The following AHCTF1 variants were observed in gnomAD, a reference collection of about 807,000 sequenced individuals.
The protein encoded by AHCTF1 is AT-hook containing transcription factor 1.
Under a neutral mutation model 248.4 loss-of-function variants are expected in AHCTF1, and 24 were observed. The ratio of observed to expected loss-of-function variants is 0.10; its 90% CI spans 0.07 to 0.14. AHCTF1 has a LOEUF of 0.14. Ranked by LOEUF, AHCTF1 falls within the 10% of genes least tolerant of loss-of-function variation. The probability of loss-of-function intolerance (pLI) is 1.00; values close to 1 mark genes in which losing one functional copy is unlikely to be tolerated. For missense variants in AHCTF1, 2,206 were observed against 2,636.2 expected (o/e 0.84, Z 3.57); for synonymous variants, 786 against 929.8 (o/e 0.85, Z 2.81).
intron 27 of AHCTF1, 133 bp downstream of exon 27, chr1:246,863,791 A>T: frequency 1.1e-6 from 1 of 871,438 alleles, no homozygotes; most frequent in Non-Finnish European, 1.8e-6. Context: ...ATGTGAAAAC[A>T]TAAAAGGATG....
In AHCTF1 at chr1:246,911,673, G is replaced by A. The variant is rs561672513; in HGVS notation, c.556+1559C>T. Among the ~76,000 whole-genome samples, 22 of 151,720 alleles carry A rather than the reference G, an allele frequency of 1.5e-4. No homozygotes were observed. In the South Asian group the frequency reaches 2.9e-3, roughly 20 times the overall value. On this transcript the variant is annotated intron_variant, in intron 4 of 35. Coordinates refer to ENST00000648844, the MANE Select transcript of AHCTF1 (RefSeq NM_001323342.2). Reference sequence around the variant, plus strand: ...TAATTTTATATTTTTTAGTAGAGACGGGGTTTCTCCATGTTGGTCAGGCTG... The same window carrying A: ...TAATTTTATATTTTTTAGTAGAGACAGGGTTTCTCCATGTTGGTCAGGCTG...
In AHCTF1 at chr1:246,931,366, C is replaced by A. The variant is rs1194718412; in HGVS notation, c.-8+212G>T. The stretch of plus-strand genomic sequence containing the variant: ...TCCGGTCCGAGATTATGTAACGAAG[C>A]CCGGCGCCCGCGAGCCTGCCGTACC... On this transcript the variant is annotated intron_variant, in intron 1 of 35. Transcript: ENST00000648844. 4 of 1,523,730 alleles carry A rather than the reference C, an allele frequency of 2.6e-6. No homozygotes were observed. In the South Asian group the frequency reaches 3.7e-5, roughly 14 times the overall value. 94.4% of individuals were successfully genotyped at this position (1,523,730 alleles called of 1,614,324 possible).
At chr1:246,842,884 C>G (rs544134062) in intron 34 of AHCTF1, 108 bp from the exon 35 acceptor site, 1 of 911,122 alleles carries the variant, frequency 1.1e-6, no homozygotes, top group Non-Finnish European at 1.7e-6. Flanking sequence ...AATTCAAACT[C>G]GCCAAATGCA....
chr1:246,871,065 C>A (rs922122554), intron 24 of AHCTF1, among the ~76,000 whole-genome samples: 3 of 152,146 alleles, frequency 2.0e-5, no homozygotes, highest in African/African-American at 7.2e-5. Context: ...TCATAAAAGG[C>A]AGGGAACAGC....
intron 32 of AHCTF1, among the ~76,000 whole-genome samples, chr1:246,852,683 C>A (rs1016849758): frequency 2.6e-5 from 4 of 152,096 alleles, no homozygotes; most frequent in African/African-American, 9.7e-5. Context: ...TGAACCAGAT[C>A]AGCAAAAATT....
intron 21 of AHCTF1, among the ~76,000 whole-genome samples, chr1:246,881,420 C>T (rs1190101525): frequency 6.6e-6 from 1 of 152,126 alleles, no homozygotes; most frequent in Admixed American, 6.6e-5. Flanking sequence ...AGATTAAAAC[C>T]ATGCAACGAA....
intron 24 of AHCTF1, among the ~76,000 whole-genome samples, chr1:246,873,672 C>T (rs1258388341): frequency 1.3e-5 from 2 of 152,152 alleles, no homozygotes; most frequent in African/African-American, 2.4e-5. Context: ...TCTTGCATCA[C>T]AGCAAAGGGA....
chr1:246,917,919 A>C (rs1338717313), intron 2 of AHCTF1, among the ~76,000 whole-genome samples: 1 of 152,182 alleles, frequency 6.6e-6, no homozygotes, highest in African/African-American at 2.4e-5. Flanking sequence ...TTCAGGTTCT[A>C]ATCCAAACTC....
In AHCTF1 at chr1:246,900,406, T is replaced by C. The variant is rs142646495; in HGVS notation, c.1181A>G (p.Lys394Arg). 1.9e-5 allele frequency: 31 copies of C among 1,600,698 alleles called. No homozygotes were observed. In the African/African-American group the frequency reaches 3.7e-4, roughly 19 times the overall value. Reference protein sequence around the residue: ...TWQVNIYGQGKPSVYLGLFDI... With the variant: ...TWQVNIYGQGRPSVYLGLFDI... ...AAAAAGCCCCAAATATACAGAAGGC[T>C]TTCCCTGTCCATATATATTCACCTG... The change falls in exon 9 of 36, where the codon AAG (lysine) becomes AGG (arginine). Residue 394 changes from lysine (K) to arginine (R), a missense_variant. Lys to Arg is a conservative substitution (Grantham distance 26). Around this residue, in one of 6 missense-constraint regions of AHCTF1, gnomAD observed 650 missense variants for 870.8 expected, o/e 0.75. Transcript: ENST00000648844.
intron 7 of AHCTF1, among the ~76,000 whole-genome samples, chr1:246,903,135 C>A (rs1665121926): frequency 1.3e-5 from 2 of 152,116 alleles, no homozygotes; most frequent in African/African-American, 2.4e-5. Flanking sequence ...TTACTGATTC[C>A]CTGAAACCCG....
intron 5 of AHCTF1, among the ~76,000 whole-genome samples, chr1:246,906,647 T>C (rs1779969): frequency 0.55 from 84,166 of 151,890 alleles, 24,045 homozygotes; most frequent in African/African-American, 0.69. Context: ...ATACACTTCC[T>C]ATAAGATAAA....
At chr1:246,899,395 A>G in intron 11 of AHCTF1, 56 bp downstream of exon 11, 2 of 1,383,382 alleles carry the variant, frequency 1.4e-6, no homozygotes, top group Non-Finnish European at 2.0e-6. Context: ...CCATAAATCA[A>G]CTATATTCTA....
chr1:246,881,183 T>C (rs912894649), intron 21 of AHCTF1, among the ~76,000 whole-genome samples: 2 of 152,216 alleles, frequency 1.3e-5, no homozygotes, highest in African/African-American at 4.8e-5. Flanking sequence ...AAAGGTTATT[T>C]GTGTGCCTAC....
chr1:246,867,247 G>A lies in AHCTF1; in HGVS notation c.3344C>T (p.Ser1115Phe). The change falls in exon 26 of 36, where the codon TCT (serine) becomes TTT (phenylalanine). Residue 1115 changes from serine (S) to phenylalanine (F), a missense_variant. Around this residue, in one of 6 missense-constraint regions of AHCTF1, gnomAD observed 955 missense variants for 1,055.6 expected, o/e 0.90. Transcript: ENST00000648844. ...TPISKASQKI[S>F]RLLDLVVQPV... ...GAATGATTTAATAAACTCTTACCTA[G>A]AAATTTTTTGTGATGCTTTTGAAAT... 6.3e-7 allele frequency: 1 copy of A among 1,578,106 alleles called. No homozygotes were observed. The highest frequency in any genetic ancestry group is 2.3e-5 in the East Asian group (1 of 44,306).
intron 27 of AHCTF1, among the ~76,000 whole-genome samples, chr1:246,863,491 G>C (rs1228493031): frequency 6.6e-6 from 1 of 152,160 alleles, no homozygotes; most frequent in African/African-American, 2.4e-5. Context: ...GGAAAAGGCA[G>C]TTTAAAGAGG....
chr1:246,874,606 C>G (rs1393540737), intron 24 of AHCTF1, among the ~76,000 whole-genome samples: 1 of 152,088 alleles, frequency 6.6e-6, no homozygotes. Context: ...TTCCCTTCAC[C>G]CTGTTTAACA....
At chr1:246,909,242 T>C (rs1665623006) in intron 4 of AHCTF1, among the ~76,000 whole-genome samples, 1 of 128,104 alleles carries the variant, frequency 7.8e-6, no homozygotes, top group African/African-American at 3.1e-5. Context: ...AAACCTCGGC[T>C]CTACTAAAAA....
intron 26 of AHCTF1, among the ~76,000 whole-genome samples, chr1:246,866,270 C>A (rs1053100269): frequency 6.6e-6 from 1 of 152,038 alleles, no homozygotes; most frequent in Admixed American, 6.5e-5. Context: ...TTATTGCTCC[C>A]CGCAACCTCA....
Position 246,860,937 on chromosome 1 carries a change from G to C in AHCTF1, c.4094C>G (p.Ala1365Gly). The part of the protein sequence containing the change: ...TEKDGDKDVF[A>G]SEVTPSDLQK... ...TAGGTCTGAAGGAGTTACTTCTGAT[G>C]CAAATACATCTTTATCTCCATCCTT... is the stretch of plus-strand genomic sequence containing the variant. The change falls in exon 29 of 36, where the codon GCA becomes GGA. Residue 1365 changes from alanine to glycine, a missense_variant. Coordinates refer to ENST00000648844, the MANE Select transcript of AHCTF1 (RefSeq NM_001323342.2). 1 of 1,612,224 alleles carries C rather than the reference G, an allele frequency of 6.2e-7. No homozygotes were observed. The highest frequency in any genetic ancestry group is 8.5e-7 in the Non-Finnish European group (1 of 1,178,358).
Sources: allele counts gnomAD v4.1 joint callset (sites outside exome capture counted in the v4.1 genomes callset), GRCh38; gene constraint gnomAD v4.1.1; regional missense constraint gnomAD v4.1.1; transcripts MANE v1.5; gene names NCBI Gene and HGNC (gene_info 2026-07-23, HGNC 2026-07-21).